SGCZ: variants seen among roughly 807,000 people sequenced by gnomAD.
The protein encoded by SGCZ is zeta-sarcoglycan.
SGCZ carries 40 observed loss-of-function variants against 41.3 expected under a neutral mutation model. The observed-to-expected ratio is 0.97, with a 90% CI of 0.75 to 1.26. The LOEUF is 1.26. Among genes scored for constraint, SGCZ ranks in the 50% most tolerant of loss-of-function variants. The pLI is 0.00. For synonymous variants in SGCZ, 206 were observed against 137.5 expected, an observed-to-expected ratio of 1.50 and a Z score of -3.49; for missense variants, 552 against 369.8, an observed-to-expected ratio of 1.49 and a Z score of -4.04.
intron 2 of SGCZ, among the ~76,000 whole-genome samples, chr8:14,438,258 ATTCTC>A (rs1294236876): frequency 2.6e-5 from 4 of 152,006 alleles, no homozygotes; most frequent in Admixed American, 6.6e-5. Flanking sequence ...GAATCATGGA[ATTCTC>A]TTATTTTATA....
chr8:14,292,290 G>A (rs763307328), intron 3 of SGCZ, among the ~76,000 whole-genome samples: 1 of 151,916 alleles, frequency 6.6e-6, no homozygotes, highest in African/African-American at 2.4e-5. Flanking sequence ...AACTAATCTG[G>A]GGCAGACATG....
In SGCZ at chr8:14,090,390, A is replaced by C. The variant is rs1474606593; in HGVS notation, c.*53T>G. The C allele has an allele frequency of 7.7e-6, 12 of 1,564,866 alleles. No individual in the cohort carries two copies. In the Admixed American group the frequency reaches 1.8e-4, roughly 23 times the overall value. ...CAAGGGAAACCGAGCAGAACTGTGAAGCAGACGGACAGGAACAAAAGGCTA... is the reference window on the plus strand; with the variant it reads ...CAAGGGAAACCGAGCAGAACTGTGACGCAGACGGACAGGAACAAAAGGCTA... On this transcript the variant is annotated 3_prime_UTR_variant, in exon 8 of 8. Transcript: ENST00000382080.
At chr8:14,379,022 T>C (rs1464946219) in intron 2 of SGCZ, among the ~76,000 whole-genome samples, 4 of 152,152 alleles carry the variant, frequency 2.6e-5, no homozygotes, top group Non-Finnish European at 4.4e-5. Context: ...TATCCCAGAA[T>C]CTTAATTAAT....
intron 1 of SGCZ, chr8:14,879,419 T>A (rs1804493092): frequency 6.6e-6 from 1 of 152,164 alleles, no homozygotes; most frequent in East Asian, 1.9e-4. Flanking sequence ...AAACCATGAA[T>A]AATGGAAATC....
intron 1 of SGCZ, among the ~76,000 whole-genome samples, chr8:14,863,268 T>C (rs547336773): frequency 1.2e-4 from 18 of 152,270 alleles, no homozygotes; most frequent in African/African-American, 4.1e-4. Context: ...CAAGCATTTA[T>C]GTAACTAGCT....
In SGCZ at chr8:14,275,811, G is replaced by A. The variant is rs115001910; in HGVS notation, c.337-38132C>T. Among the ~76,000 whole-genome samples the A allele has an allele frequency of 1.9e-3, 295 of 152,198 alleles. 1 individual carries two copies. The highest frequency in any genetic ancestry group is 6.7e-3 in the African/African-American group (278 of 41,544). On this transcript the variant is annotated intron_variant, in intron 3 of 7. Transcript: ENST00000382080. ...CTGAAGGCTGGTTTCATGCCCCTGG[G>A]AATCCAAGGATCCACCCCTGTAGGA... is the stretch of plus-strand genomic sequence containing the variant.
intron 2 of SGCZ, among the ~76,000 whole-genome samples, chr8:14,424,222 A>G (rs991970896): frequency 6.6e-6 from 1 of 152,166 alleles, no homozygotes; most frequent in African/African-American, 2.4e-5. Flanking sequence ...TAGTAGTAGA[A>G]GACACTATGA....
chr8:14,652,394 CATA>C (rs1398111332), intron 1 of SGCZ, among the ~76,000 whole-genome samples: 1 of 148,434 alleles, frequency 6.7e-6, no homozygotes. Flanking sequence ...CATATATATT[CATA>C]ATAATAATAT....
intron 1 of SGCZ, among the ~76,000 whole-genome samples, chr8:14,611,738 G>A (rs941500036): frequency 3.3e-5 from 5 of 151,958 alleles, no homozygotes; most frequent in Admixed American, 6.6e-5. Flanking sequence ...ATCCTAATGT[G>A]ACCTATGCCA....
At chr8:14,168,594 C>T (rs1804279485) in intron 4 of SGCZ, among the ~76,000 whole-genome samples, 1 of 152,174 alleles carries the variant, frequency 6.6e-6, no homozygotes, top group African/African-American at 2.4e-5. Context: ...TTGCCTGCAG[C>T]CATGACTGTG....
chr8:14,465,746 A>G (rs933207466), intron 2 of SGCZ, among the ~76,000 whole-genome samples: 1 of 151,744 alleles, frequency 6.6e-6, no homozygotes, highest in Non-Finnish European at 1.5e-5. Flanking sequence ...TATCAGCTTA[A>G]CTTCAATAAC....
chr8:15,039,304 A>C (rs1803989484), intron 1 of SGCZ, among the ~76,000 whole-genome samples: 1 of 152,206 alleles, frequency 6.6e-6, no homozygotes, highest in Non-Finnish European at 1.5e-5. Context: ...AAAAAGAAGG[A>C]AATCTTGTCT....
rs907540052 is a variant in SGCZ, at chr8:15,213,157, T to C, written c.39+24428A>G. 2.0e-5 allele frequency among the ~76,000 whole-genome samples: 3 copies of C among 152,052 alleles called. No individual in the cohort carries two copies. The East Asian group carries it at 5.8e-4, about 29-fold the overall frequency. On this transcript the variant is annotated intron_variant, in intron 1 of 7. Coordinates refer to ENST00000382080, the MANE Select transcript of SGCZ (RefSeq NM_139167.4). ...TACTAAATGCATTTTTCAATAATTG[T>C]CTTTTAATCAAAGATAAATTCACAT...
chr8:14,428,489 G>A (rs1038620690), intron 2 of SGCZ, among the ~76,000 whole-genome samples: 12 of 152,042 alleles, frequency 7.9e-5, no homozygotes, highest in Admixed American at 7.9e-4. Context: ...TTTTAAATGT[G>A]AAAAGAAATT....
chr8:15,177,457 T>C (rs1235694070), intron 1 of SGCZ, among the ~76,000 whole-genome samples: 1 of 152,224 alleles, frequency 6.6e-6, no homozygotes, highest in Non-Finnish European at 1.5e-5. Context: ...ATTCTATCTG[T>C]AAATGTTGAC....
At chr8:14,169,067 G>T (rs1042948537) in intron 4 of SGCZ, among the ~76,000 whole-genome samples, 3 of 152,270 alleles carry the variant, frequency 2.0e-5, no homozygotes, top group Admixed American at 6.5e-5. Context: ...GGCTGTTTGA[G>T]TACTAAGTCC....
chr8:14,811,165 C>A (rs911819060), intron 1 of SGCZ, among the ~76,000 whole-genome samples: 1 of 152,012 alleles, frequency 6.6e-6, no homozygotes, highest in Non-Finnish European at 1.5e-5. Context: ...AATAACTTCT[C>A]TGTTCATCAT....
intron 2 of SGCZ, among the ~76,000 whole-genome samples, chr8:14,521,431 T>C (rs952486180): frequency 6.6e-6 from 1 of 152,132 alleles, no homozygotes; most frequent in African/African-American, 2.4e-5. Flanking sequence ...TGTTTACCTA[T>C]GTAACAAACC....
At chr8:14,638,150 C>G (rs1806897723) in intron 1 of SGCZ, among the ~76,000 whole-genome samples, 1 of 151,794 alleles carries the variant, frequency 6.6e-6, no homozygotes, top group South Asian at 2.1e-4. Context: ...TCAAGTTGAA[C>G]AAGTCAGAAT....
Sources: allele counts gnomAD v4.1 joint callset (sites outside exome capture counted in the v4.1 genomes callset), GRCh38; gene constraint gnomAD v4.1.1; transcripts MANE v1.5; gene names NCBI Gene and HGNC (gene_info 2026-07-23, HGNC 2026-07-21).